The following TXNDC16 variants were observed in gnomAD, a reference collection of about 807,000 sequenced individuals.
TXNDC16 encodes thioredoxin domain containing 16.
Under a neutral mutation model 85.6 loss-of-function variants are expected in TXNDC16, and 74 were observed. The ratio of observed to expected loss-of-function variants is 0.86; its 90% CI spans 0.72 to 1.05. The LOEUF (loss-of-function observed/expected upper bound fraction) is 1.05, where lower values mean the gene tolerates loss of function less well. Among genes scored for constraint, TXNDC16 ranks in the 50% least tolerant of loss-of-function variants. The pLI is 0.00. For synonymous variants in TXNDC16, 335 were observed against 326.5 expected, an observed-to-expected ratio of 1.03 and a Z score of -0.28; for missense variants, 959 against 947.0, an observed-to-expected ratio of 1.01 and a Z score of -0.17.
chr14:52,549,025 A>T (rs2037994421), intron 1 of TXNDC16, among the ~76,000 whole-genome samples: 1 of 152,258 alleles, frequency 6.6e-6, no homozygotes. Flanking sequence ...ATGACTCTTT[A>T]AAATGCAATT....
intron 9 of TXNDC16, among the ~76,000 whole-genome samples, chr14:52,497,412 C>A (rs2036557014): frequency 6.6e-6 from 1 of 152,158 alleles, no homozygotes; most frequent in Admixed American, 6.5e-5. Context: ...AGAAATAATG[C>A]CAATCCTTCT....
chr14:52,441,090 G>A (rs930464068), intron 18 of TXNDC16, among the ~76,000 whole-genome samples: 5 of 152,094 alleles, frequency 3.3e-5, no homozygotes, highest in East Asian at 1.9e-4. Flanking sequence ...TAACAATTTT[G>A]AAGAAAACTG....
At chr14:52,450,196 A>T (rs2035375204) in intron 18 of TXNDC16, among the ~76,000 whole-genome samples, 1 of 152,074 alleles carries the variant, frequency 6.6e-6, no homozygotes, top group South Asian at 2.1e-4. Context: ...TAGTCAGACT[A>T]GCTAGGAAAC....
intron 9 of TXNDC16, among the ~76,000 whole-genome samples, chr14:52,493,215 A>ATATATATATATATATATATATATAT (rs761008122): frequency 2.0e-4 from 24 of 120,988 alleles, no homozygotes; most frequent in East Asian, 1.6e-3. Context: ...ATATATATAT[A>ATATATATATATATATATATATATAT]TACACACACA....
intron 18 of TXNDC16, among the ~76,000 whole-genome samples, chr14:52,449,338 T>A (rs1298207736): frequency 2.0e-5 from 3 of 152,038 alleles, no homozygotes; most frequent in Non-Finnish European, 4.4e-5. Context: ...ACAAAAACTG[T>A]AAGAAGAGAC....
intron 7 of TXNDC16, among the ~76,000 whole-genome samples, chr14:52,516,652 CTT>C (rs901867544): frequency 1.3e-5 from 2 of 152,114 alleles, no homozygotes; most frequent in African/African-American, 4.8e-5. Flanking sequence ...GGGAAATTTT[CTT>C]GAAGTATTTC....
rs558012606 is a variant in TXNDC16 at position 52,515,051 on chromosome 14, T to A, written c.515-81A>T. The A allele has an allele frequency of 4.1e-6, 4 of 977,426 alleles. No individual in the cohort carries two copies. The South Asian group carries it at 6.7e-5, about 16-fold the overall frequency. 60.5% of individuals were successfully genotyped at this position (977,426 alleles called of 1,614,324 possible). On this transcript the variant is annotated intron_variant, in intron 7 of 20. Coordinates refer to ENST00000281741, the MANE Select transcript of TXNDC16 (RefSeq NM_020784.3). ...ATGTAAACTTCTATTCTGAATATTA[T>A]CCTACACTCCTTTATGTTCTACTAT... is the stretch of plus-strand genomic sequence containing the variant.
intron 6 of TXNDC16, among the ~76,000 whole-genome samples, chr14:52,523,510 G>GA (rs1156618065): frequency 2.0e-5 from 3 of 151,218 alleles, no homozygotes; most frequent in East Asian, 1.9e-4. Flanking sequence ...AAACCCCCAG[G>GA]AAAAAAAAGA....
At chr14:52,527,016 G>A (rs890089784) in intron 6 of TXNDC16, among the ~76,000 whole-genome samples, 6 of 152,192 alleles carry the variant, frequency 3.9e-5, no homozygotes, top group East Asian at 3.8e-4. Flanking sequence ...GAAGCTCCAC[G>A]CCCCTTTCCA....
Position 52,487,833 on chromosome 14 carries a change from G to T in TXNDC16, c.1108+530C>A, listed in dbSNP as rs556241606. ...AATAATCAAAGTAAATAATATGTGG[G>T]AAAAAGAGTTAAAAACTATACAATA... is the stretch of plus-strand genomic sequence containing the variant. On this transcript the variant is annotated intron_variant, in intron 12 of 20. Coordinates refer to ENST00000281741, the MANE Select transcript of TXNDC16 (RefSeq NM_020784.3). Among the ~76,000 whole-genome samples the T allele has an allele frequency of 2.0e-5, 3 of 151,438 alleles. No homozygotes were observed. The East Asian group carries it at 5.8e-4, about 29-fold the overall frequency.
At chr14:52,539,395 G>A (rs1034884597) in intron 4 of TXNDC16, among the ~76,000 whole-genome samples, 4 of 152,192 alleles carry the variant, frequency 2.6e-5, no homozygotes, top group Non-Finnish European at 5.9e-5. Flanking sequence ...TCAAATAACA[G>A]AAAGATGACC....
intron 3 of TXNDC16, 105 bp from the exon 4 acceptor site, chr14:52,542,558 A>G (rs2037854840): frequency 1.5e-6 from 1 of 682,802 alleles, no homozygotes; most frequent in Admixed American, 2.7e-5. Context: ...AGCATGCAAC[A>G]ACAAATAACT....
chr14:52,436,292 TATG>T (rs1159640145), intron 20 of TXNDC16, among the ~76,000 whole-genome samples: 2 of 152,174 alleles, frequency 1.3e-5, no homozygotes, highest in Non-Finnish European at 2.9e-5. Context: ...TTGAAAACCT[TATG>T]ATAAGTGAAA....
intron 6 of TXNDC16, among the ~76,000 whole-genome samples, chr14:52,530,498 A>T (rs1350464524): frequency 7.7e-5 from 2 of 26,010 alleles, no homozygotes; most frequent in Non-Finnish European, 1.3e-4. Flanking sequence ...TATATATAAT[A>T]ATATAATATA....
chr14:52,482,748 A>C, intron 13 of TXNDC16, 74 bp downstream of exon 13: 2 of 1,413,942 alleles, frequency 1.4e-6, no homozygotes, highest in Non-Finnish European at 1.9e-6. Context: ...CATGCAATAC[A>C]TGGAATGCCA....
At chr14:52,497,638 G>A (rs1046969189) in intron 9 of TXNDC16, among the ~76,000 whole-genome samples, 6 of 152,194 alleles carry the variant, frequency 3.9e-5, no homozygotes, top group Admixed American at 1.3e-4. Context: ...CCAGCACTTT[G>A]GGAGGCTGAG....
intron 7 of TXNDC16, among the ~76,000 whole-genome samples, chr14:52,518,040 T>C (rs2037125578): frequency 6.6e-6 from 1 of 152,206 alleles, no homozygotes; most frequent in Admixed American, 6.5e-5. Context: ...CCTTTCAGCA[T>C]CATTTAACAC....
chr14:52,489,494 T>A (rs965385611), intron 11 of TXNDC16, among the ~76,000 whole-genome samples: 6 of 152,196 alleles, frequency 3.9e-5, no homozygotes, highest in Non-Finnish European at 7.3e-5. Flanking sequence ...TTTTTTAACA[T>A]TATATTCGAA....
At chr14:52,549,630 T>C (rs77109187) in intron 1 of TXNDC16, among the ~76,000 whole-genome samples, 1 of 90,452 alleles carries the variant, frequency 1.1e-5, no homozygotes, top group Non-Finnish European at 2.2e-5. Context: ...ACAGTTCTGA[T>C]TTTTTTTTTT....
Sources: allele counts gnomAD v4.1 joint callset (sites outside exome capture counted in the v4.1 genomes callset), GRCh38; gene constraint gnomAD v4.1.1; transcripts MANE v1.5; gene names NCBI Gene and HGNC (gene_info 2026-07-23, HGNC 2026-07-21).